SAMD5: variants seen among roughly 807,000 people sequenced by gnomAD.
The protein encoded by SAMD5 is sterile alpha motif domain-containing protein 5.
In SAMD5, 13 loss-of-function variants were observed where a neutral mutation model predicts 11.3. The observed-to-expected ratio is 1.15, with a 90% confidence interval of 0.75 to 1.83. The LOEUF is 1.83. Ranked by LOEUF, SAMD5 falls within the 40% of genes most tolerant of loss-of-function variation. SAMD5 has a pLI of 0.00. For missense variants in SAMD5, 255 were observed against 239.1 expected, an observed-to-expected ratio of 1.07 and a Z score of -0.44; for synonymous variants, 129 against 111.3, an observed-to-expected ratio of 1.16 and a Z score of -1.00.
chr6:147,768,252 C>T, the SAMD5 span, among the ~76,000 whole-genome samples: 1 of 152,154 alleles, frequency 6.6e-6, no homozygotes, highest in Non-Finnish European at 1.5e-5. Context: ...AATTCCAGCA[C>T]TTTGGGAGGC....
At chr6:147,846,106 G>A in the SAMD5 span, among the ~76,000 whole-genome samples, 17 of 150,568 alleles carry the variant, frequency 1.1e-4, no homozygotes, top group East Asian at 2.1e-3. Context: ...ATTATGCTGA[G>A]TGAAAAAAAA....
chr6:147,735,225 T>A (rs1791779788), intron 1 of SAMD5, among the ~76,000 whole-genome samples: 1 of 152,242 alleles, frequency 6.6e-6, no homozygotes, highest in Admixed American at 6.5e-5. Flanking sequence ...GGCCTGTCTC[T>A]ATGAATTGTA....
chr6:147,557,610 G>T (rs1562319965), intron 1 of SAMD5, among the ~76,000 whole-genome samples: 1 of 152,104 alleles, frequency 6.6e-6, no homozygotes, highest in South Asian at 2.1e-4. Context: ...AGAACACCAG[G>T]GATTAGATTC....
At chr6:147,609,225 T>C (rs1269337584) in intron 1 of SAMD5, among the ~76,000 whole-genome samples, 1 of 152,126 alleles carries the variant, frequency 6.6e-6, no homozygotes, top group Non-Finnish European at 1.5e-5. Flanking sequence ...CCTAATCCAA[T>C]ATGACTTGTG....
chr6:147,557,520 C>T (rs1788876762), intron 1 of SAMD5, among the ~76,000 whole-genome samples: 2 of 152,184 alleles, frequency 1.3e-5, no homozygotes, highest in Admixed American at 6.5e-5. Context: ...CTTGTGGCTG[C>T]ACCACTCCAC....
At chr6:147,748,288 G>T in the SAMD5 span, among the ~76,000 whole-genome samples, 1 of 152,162 alleles carries the variant, frequency 6.6e-6, no homozygotes, top group African/African-American at 2.4e-5. Context: ...CACATTCATC[G>T]TTCAGGAGCA....
the SAMD5 span, among the ~76,000 whole-genome samples, chr6:147,874,783 T>C: frequency 6.6e-6 from 1 of 151,706 alleles, no homozygotes; most frequent in Non-Finnish European, 1.5e-5. Context: ...TTCACAAAAA[T>C]AAATTTGATA....
At chr6:147,888,470 G>T in the SAMD5 span, among the ~76,000 whole-genome samples, 3 of 152,190 alleles carry the variant, frequency 2.0e-5, no homozygotes, top group South Asian at 6.2e-4. Flanking sequence ...CGTTATTTCA[G>T]TACTTTTCAT....
chr6:147,785,603 A>G, the SAMD5 span, among the ~76,000 whole-genome samples: 1 of 152,208 alleles, frequency 6.6e-6, no homozygotes, highest in South Asian at 2.1e-4. Context: ...TAGATGGGAA[A>G]GATGATTTTT....
the SAMD5 span, among the ~76,000 whole-genome samples, chr6:147,905,898 T>C: frequency 4.6e-5 from 7 of 152,312 alleles, no homozygotes; most frequent in African/African-American, 1.7e-4. Context: ...TTTGATATGT[T>C]GCAAAGCTCC....
chr6:147,586,166 G>C (rs1031070141), intron 1 of SAMD5, among the ~76,000 whole-genome samples: 4 of 152,144 alleles, frequency 2.6e-5, no homozygotes, highest in African/African-American at 7.2e-5. Context: ...TTTACATAGG[G>C]ATCATACGCT....
At chr6:147,576,418 C>A (rs536758721) in intron 1 of SAMD5, among the ~76,000 whole-genome samples, 30 of 152,220 alleles carry the variant, frequency 2.0e-4, no homozygotes, top group Non-Finnish European at 4.0e-4. Flanking sequence ...GGATTACAGG[C>A]GTGAGCCACT....
intron 1 of SAMD5, among the ~76,000 whole-genome samples, chr6:147,647,001 A>ATAG (rs1304219523): frequency 6.8e-6 from 1 of 146,570 alleles, no homozygotes; most frequent in Non-Finnish European, 1.5e-5. Context: ...AATAATAATA[A>ATAG]TAATAATAAT....
the SAMD5 span, among the ~76,000 whole-genome samples, chr6:147,918,157 A>G: frequency 3.3e-5 from 5 of 152,166 alleles, no homozygotes; most frequent in Non-Finnish European, 7.3e-5. Flanking sequence ...CTTGGACAGT[A>G]TGACCATTTT....
intron 1 of SAMD5, among the ~76,000 whole-genome samples, chr6:147,673,091 AT>A (rs1790816303): frequency 6.6e-6 from 1 of 152,024 alleles, no homozygotes; most frequent in Non-Finnish European, 1.5e-5. Flanking sequence ...AATAATACTG[AT>A]TTTTCTTATC....
the SAMD5 span, among the ~76,000 whole-genome samples, chr6:147,933,537 C>T: frequency 1.3e-5 from 2 of 152,150 alleles, no homozygotes; most frequent in Non-Finnish European, 2.9e-5. Flanking sequence ...TGCTGTATAA[C>T]CTCAGGCAAA....
intron 1 of SAMD5, among the ~76,000 whole-genome samples, chr6:147,697,627 C>T (rs899962796): frequency 6.6e-6 from 1 of 152,168 alleles, no homozygotes; most frequent in South Asian, 2.1e-4. Flanking sequence ...TATAAAAAAA[C>T]TAAACTAAAA....
the SAMD5 span, among the ~76,000 whole-genome samples, chr6:147,883,789 A>T: frequency 6.6e-6 from 1 of 152,196 alleles, no homozygotes; most frequent in Admixed American, 6.5e-5. Context: ...TGATGTTCTA[A>T]TATCACTGCA....
the SAMD5 span, among the ~76,000 whole-genome samples, chr6:147,743,844 T>A: frequency 1.3e-5 from 2 of 152,340 alleles, no homozygotes; most frequent in East Asian, 3.9e-4. Context: ...GGAGAAAAAC[T>A]GCCCAAAGAT....
Sources: allele counts gnomAD v4.1 joint callset (sites outside exome capture counted in the v4.1 genomes callset), GRCh38; gene constraint gnomAD v4.1.1; transcripts MANE v1.5; gene names NCBI Gene and HGNC (gene_info 2026-07-23, HGNC 2026-07-21).